The following CMIP variants were observed in gnomAD, a reference collection of about 807,000 sequenced individuals.
CMIP encodes the protein c-Maf inducing protein, also known as C-Maf-inducing protein.
A neutral mutation model predicts 97.3 loss-of-function variants in CMIP; 13 were observed. The ratio of observed to expected loss-of-function variants is 0.13; its 90% CI spans 0.09 to 0.21. The LOEUF (loss-of-function observed/expected upper bound fraction) is 0.21, where lower values mean the gene tolerates loss of function less well. Among genes scored for constraint, CMIP ranks in the 10% least tolerant of loss-of-function variants. The pLI, the probability that CMIP is intolerant of heterozygous loss-of-function variation, is 1.00. For synonymous variants in CMIP, 538 were observed against 436.3 expected (o/e 1.23, Z -2.91); for missense variants, 847 against 1,024.9 (o/e 0.83, Z 2.37).
At chr16:81,670,630 G>C (rs1043731889) in intron 8 of CMIP, among the ~76,000 whole-genome samples, 2 of 123,586 alleles carry the variant, frequency 1.6e-5, no homozygotes, top group Admixed American at 8.2e-5. Context: ...TGGGGGGGGG[G>C]GGGGTGGTTG....
intron 1 of CMIP, among the ~76,000 whole-genome samples, chr16:81,501,239 C>A (rs777112565): frequency 6.6e-6 from 1 of 152,148 alleles, no homozygotes; most frequent in Non-Finnish European, 1.5e-5. Context: ...TTTCTGAGAT[C>A]GAGTAATTTG....
At chr16:81,681,405 CG>C (rs1167725549) in intron 10 of CMIP, among the ~76,000 whole-genome samples, 1 of 152,186 alleles carries the variant, frequency 6.6e-6, no homozygotes, top group Non-Finnish European at 1.5e-5. Flanking sequence ...AAGTCTCACC[CG>C]TGCCACATAC....
chr16:81,558,771 T>C (rs1235788082), intron 1 of CMIP, among the ~76,000 whole-genome samples: 1 of 152,192 alleles, frequency 6.6e-6, no homozygotes, highest in Non-Finnish European at 1.5e-5. Context: ...GATTGTCTCA[T>C]TTCAGTCCCC....
At chr16:81,606,273 G>A (rs976873677) in intron 1 of CMIP, among the ~76,000 whole-genome samples, 1 of 152,206 alleles carries the variant, frequency 6.6e-6, no homozygotes, top group Non-Finnish European at 1.5e-5. Flanking sequence ...TTGTCTATAT[G>A]ATGGGATGAC....
intron 3 of CMIP, among the ~76,000 whole-genome samples, chr16:81,648,967 C>T (rs2092396905): frequency 1.3e-5 from 2 of 152,046 alleles, no homozygotes; most frequent in Non-Finnish European, 2.9e-5. Flanking sequence ...TGACAGTGCC[C>T]TGTTTATTGA....
At chr16:81,707,659 G>C (rs143734281) in intron 20 of CMIP, among the ~76,000 whole-genome samples, 219 of 152,358 alleles carry the variant, frequency 1.4e-3, no homozygotes, top group African/African-American at 5.0e-3. Flanking sequence ...GTGAAATCCG[G>C]GAAAGAAAAA....
At chr16:81,541,460 C>G (rs927232748) in intron 1 of CMIP, among the ~76,000 whole-genome samples, 4 of 152,176 alleles carry the variant, frequency 2.6e-5, no homozygotes, top group Admixed American at 6.5e-5. Flanking sequence ...AGCCCCTGAT[C>G]GGTGCCCCAG....
chr16:81,561,154 C>A (rs1197839279), intron 1 of CMIP, among the ~76,000 whole-genome samples: 1 of 152,198 alleles, frequency 6.6e-6, no homozygotes. Flanking sequence ...AGGGTTTCAC[C>A]ATGTTGACCA....
rs555291516 is a variant in CMIP, at chr16:81,570,885, G to C, written c.301-36682G>C. On this transcript the variant is annotated intron_variant, in intron 1 of 20. Transcript: ENST00000537098. Reference sequence around the variant, plus strand: ...AGGTGCGTGACTGGGACAAGTCTGAGAAATGATCACAGCCCAGAGGAGCCT... The same window carrying C: ...AGGTGCGTGACTGGGACAAGTCTGACAAATGATCACAGCCCAGAGGAGCCT... Among the ~76,000 whole-genome samples, 62 of 152,282 alleles carry C rather than the reference G, an allele frequency of 4.1e-4. 1 individual carries two copies. The highest frequency in any genetic ancestry group is 8.4e-4 in the Non-Finnish European group (57 of 68,030).
chr16:81,666,247 G>A (rs1024365607), intron 7 of CMIP: 2 of 152,198 alleles, frequency 1.3e-5, no homozygotes, highest in African/African-American at 4.8e-5. Context: ...TCAGAGCAAA[G>A]GTTCTTCAGG....
At chr16:81,697,661 C>CA (rs1906897656) in intron 14 of CMIP, 1 of 152,280 alleles carries the variant, frequency 6.6e-6, no homozygotes, top group East Asian at 1.9e-4. Flanking sequence ...CGGGCCGGCA[C>CA]AGTCGCTGCT....
At chr16:81,595,722 A>G (rs1165427722) in intron 1 of CMIP, among the ~76,000 whole-genome samples, 1 of 152,106 alleles carries the variant, frequency 6.6e-6, no homozygotes, top group African/African-American at 2.4e-5. Context: ...CCATGTGGTA[A>G]TGTCTTTTTT....
chr16:81,653,194 G>A (rs1241832711), intron 4 of CMIP, among the ~76,000 whole-genome samples: 2 of 152,174 alleles, frequency 1.3e-5, no homozygotes, highest in Non-Finnish European at 2.9e-5. Context: ...GATTTAAACT[G>A]TGCACAGCCA....
At chr16:81,459,363 G>A (rs1230095132) in intron 1 of CMIP, among the ~76,000 whole-genome samples, 1 of 152,030 alleles carries the variant, frequency 6.6e-6, no homozygotes, top group South Asian at 2.1e-4. Flanking sequence ...CTGTGACCCT[G>A]CGCTGTGACC....
rs527924913 is a variant in CMIP, at chr16:81,525,562, G to T, written c.300+80021G>T. On this transcript the variant is annotated intron_variant, in intron 1 of 20. Coordinates refer to ENST00000537098, the MANE Select transcript of CMIP (RefSeq NM_198390.3). ...AGACAGAGTATGGCTATGTTGCCCA[G>T]GAACTCCTGGGCTCAAATGGTTCTC... Among the ~76,000 whole-genome samples the T allele has an allele frequency of 2.8e-4, 42 of 152,206 alleles. No individual in the cohort carries two copies. In the South Asian group the frequency reaches 8.5e-3, roughly 31 times the overall value.
chr16:81,644,221 C>T (rs993067312), intron 3 of CMIP, among the ~76,000 whole-genome samples: 2 of 152,202 alleles, frequency 1.3e-5, no homozygotes, highest in Non-Finnish European at 2.9e-5. Flanking sequence ...GCCCTCCAGT[C>T]ATGGTGGTGC....
chr16:81,625,834 C>T (rs553019926), intron 3 of CMIP, among the ~76,000 whole-genome samples: 21 of 152,182 alleles, frequency 1.4e-4, no homozygotes, highest in Non-Finnish European at 2.5e-4. Context: ...TTCCTCAGGC[C>T]GAGGCACACT....
At chr16:81,688,206 A>G (rs959041273) in intron 10 of CMIP, among the ~76,000 whole-genome samples, 2 of 152,324 alleles carry the variant, frequency 1.3e-5, no homozygotes, top group South Asian at 2.1e-4. Context: ...TAGGCTGTGT[A>G]GATGACTCGG....
At chr16:81,526,780 C>G (rs2090141813) in intron 1 of CMIP, among the ~76,000 whole-genome samples, 1 of 152,220 alleles carries the variant, frequency 6.6e-6, no homozygotes, top group Non-Finnish European at 1.5e-5. Flanking sequence ...AAGGCCCCAG[C>G]CCGCCAGAGG....
Sources: gnomAD v4.1 joint callset for allele counts (sites outside exome capture counted in the v4.1 genomes callset) on GRCh38, gnomAD v4.1.1 for gene constraint, MANE v1.5 for transcripts, NCBI Gene and HGNC (gene_info 2026-07-23, HGNC 2026-07-21) for gene names.